The following KCNT2 variants were observed in gnomAD, a reference collection of about 807,000 sequenced individuals.
KCNT2 encodes the protein potassium sodium-activated channel subfamily T member 2.
Under a neutral mutation model 153.8 loss-of-function variants are expected in KCNT2, and 67 were observed. The ratio of observed to expected loss-of-function variants is 0.44; its 90% CI spans 0.36 to 0.53. The LOEUF (loss-of-function observed/expected upper bound fraction) is 0.53, where lower values mean the gene tolerates loss of function less well. Among genes scored for constraint, KCNT2 ranks in the 20% least tolerant of loss-of-function variants. KCNT2 has a pLI of 0.00. For synonymous variants in KCNT2, 500 were observed against 458.8 expected (o/e 1.09, Z -1.15); for missense variants, 975 against 1,354.8 (o/e 0.72, Z 4.40).
rs183400434 is a variant in KCNT2, at chr1:196,465,492, A to G, written c.544-105T>C. On this transcript the variant is annotated intron_variant, in intron 7 of 27. Coordinates refer to ENST00000294725, the MANE Select transcript of KCNT2 (RefSeq NM_198503.5). ...ATTTCATGTCAACTCTCCTGTACAC[A>G]TACATACATATGTAAATACATGTAT... 5.7e-3 allele frequency: 3,936 copies of G among 685,248 alleles called. 42 individuals carry two copies. The highest frequency in any genetic ancestry group is 0.02 in the South Asian group (1,233 of 60,778). The allele number at this position is 685,248 out of a possible 1,614,324, so 42.4% of individuals were successfully genotyped here.
intron 26 of KCNT2, among the ~76,000 whole-genome samples, chr1:196,252,869 G>T (rs1656106881): frequency 6.6e-6 from 1 of 150,958 alleles, no homozygotes; most frequent in Middle Eastern, 3.2e-3. Context: ...CTACTCTCAA[G>T]ATGCCTTTCT....
At chr1:196,402,294 A>G (rs1671479332) in intron 12 of KCNT2, among the ~76,000 whole-genome samples, 1 of 151,578 alleles carries the variant, frequency 6.6e-6, no homozygotes, top group South Asian at 2.1e-4. Context: ...ATTTCCTCTT[A>G]ACTTCTATAA....
chr1:196,392,684 AT>A (rs1396807772), intron 13 of KCNT2, among the ~76,000 whole-genome samples: 1 of 151,356 alleles, frequency 6.6e-6, no homozygotes, highest in Non-Finnish European at 1.5e-5. Context: ...ATATCTAGTG[AT>A]TTAGTACAAA....
intron 1 of KCNT2, among the ~76,000 whole-genome samples, chr1:196,504,068 G>C (rs531684331): frequency 1.6e-4 from 24 of 152,148 alleles, no homozygotes; most frequent in African/African-American, 5.8e-4. Flanking sequence ...ACAAACTTAC[G>C]ACAATACAAA....
chr1:196,476,686 C>T (rs2148689737), intron 5 of KCNT2, among the ~76,000 whole-genome samples: 1 of 152,304 alleles, frequency 6.6e-6, no homozygotes, highest in South Asian at 2.1e-4. Flanking sequence ...CATTAAACCT[C>T]AGGTTTCTAT....
At chr1:196,568,851 G>A (rs898133337) in intron 1 of KCNT2, among the ~76,000 whole-genome samples, 1 of 151,638 alleles carries the variant, frequency 6.6e-6, no homozygotes, top group African/African-American at 2.4e-5. Context: ...ATGCATGCCA[G>A]AAAGACACTA....
chr1:196,513,192 C>T (rs1388369834), intron 1 of KCNT2, among the ~76,000 whole-genome samples: 2 of 152,180 alleles, frequency 1.3e-5, no homozygotes, highest in Non-Finnish European at 2.9e-5. Context: ...GCTCCACTGA[C>T]GAGATACTTA....
intron 13 of KCNT2, among the ~76,000 whole-genome samples, chr1:196,394,327 T>A (rs1670738684): frequency 6.6e-6 from 1 of 151,492 alleles, no homozygotes; most frequent in African/African-American, 2.4e-5. Flanking sequence ...TCTTTTGAAA[T>A]AGCCTAAAGT....
rs189361904 is a variant in KCNT2 at position 196,608,098 on chromosome 1, C to G, written c.95+117G>C. 5,076 of 857,712 alleles carry G rather than the reference C, an allele frequency of 5.9e-3. 26 individuals carry two copies. The highest frequency in any genetic ancestry group is 7.1e-3 in the Non-Finnish European group (3,532 of 496,100). The allele number at this position is 857,712 out of a possible 1,614,324, so 53.1% of individuals were successfully genotyped here. A position where few individuals can be genotyped will look rare whatever the true frequency, so the allele number is the denominator to read the frequency against. On this transcript the variant is annotated intron_variant, in intron 1 of 27. Transcript: ENST00000294725. The stretch of plus-strand genomic sequence containing the variant: ...AGTCTCTTTTACTCCCTCCCCCAGC[C>G]TAGTCTCCCTCTCTGGCTCCGTTTT...
intron 12 of KCNT2, among the ~76,000 whole-genome samples, chr1:196,402,689 C>T (rs1671516404): frequency 6.6e-6 from 1 of 151,292 alleles, no homozygotes; most frequent in Non-Finnish European, 1.5e-5. Context: ...ACATTAAATG[C>T]CAATGGACTA....
chr1:196,258,683 G>A lies in KCNT2; in HGVS notation c.2911-189C>T, dbSNP rs189673313. 5.7e-4 allele frequency: 367 copies of A among 648,356 alleles called. 1 individual carries two copies. The highest frequency in any genetic ancestry group is 1.3e-3 in the Middle Eastern group (5 of 3,984). 40.2% of individuals were successfully genotyped at this position (648,356 alleles called of 1,614,324 possible). ...TATTAAAATGTATGTTTCCTTGAAC[G>A]TACATATAAATCAGGCAAAATAAAT... On this transcript the variant is annotated intron_variant, in intron 25 of 27. Transcript: ENST00000294725.
At chr1:196,474,422 T>G (rs1678359065) in intron 5 of KCNT2, among the ~76,000 whole-genome samples, 1 of 152,190 alleles carries the variant, frequency 6.6e-6, no homozygotes, top group South Asian at 2.1e-4. Flanking sequence ...GCAGTCTTTG[T>G]ATTTCTACAT....
chr1:196,339,649 AACAAGGGCATGGTT>A (rs1382074391), intron 16 of KCNT2, among the ~76,000 whole-genome samples: 1 of 151,996 alleles, frequency 6.6e-6, no homozygotes, highest in African/African-American at 2.4e-5. Context: ...TCTGAGGAGG[AACAAGGGCATGGTT>A]CCTGGAATAA....
At chr1:196,284,087 C>T (rs1424751301) in intron 23 of KCNT2, among the ~76,000 whole-genome samples, 2 of 149,256 alleles carry the variant, frequency 1.3e-5, no homozygotes, top group South Asian at 4.3e-4. Context: ...AAAAATTAGC[C>T]AGATGTAATG....
intron 9 of KCNT2, 45 bp downstream of exon 9, chr1:196,429,532 C>G: frequency 1.5e-6 from 2 of 1,294,456 alleles, no homozygotes; most frequent in Non-Finnish European, 2.1e-6. Context: ...GATTCAATTT[C>G]ATGTCTCTGT....
chr1:196,594,585 C>A (rs915505561), intron 1 of KCNT2, among the ~76,000 whole-genome samples: 6 of 151,964 alleles, frequency 3.9e-5, no homozygotes, highest in Non-Finnish European at 8.8e-5. Flanking sequence ...CATGGCTTTA[C>A]CTCTAGAAAG....
chr1:196,315,811 TTCCTCACAGAG>T (rs1662656032), intron 21 of KCNT2, 70 bp downstream of exon 21: 1 of 1,268,594 alleles, frequency 7.9e-7, no homozygotes, highest in Non-Finnish European at 1.1e-6. Context: ...CTCATGTTCA[TTCCTCACAGAG>T]TCAGTGTCAA....
chr1:196,320,678 A>G (rs952632979), intron 19 of KCNT2, among the ~76,000 whole-genome samples: 13 of 151,558 alleles, frequency 8.6e-5, no homozygotes, highest in African/African-American at 3.1e-4. Flanking sequence ...TACACTCTGA[A>G]GAAAAAGAAT....
chr1:196,582,661 C>A (rs892230885), intron 1 of KCNT2, among the ~76,000 whole-genome samples: 10 of 152,032 alleles, frequency 6.6e-5, no homozygotes, highest in Admixed American at 5.3e-4. Context: ...GATACAGCAG[C>A]ATTGACAGCA....
Sources: allele counts gnomAD v4.1 joint callset (sites outside exome capture counted in the v4.1 genomes callset), GRCh38; gene constraint gnomAD v4.1.1; transcripts MANE v1.5; gene names NCBI Gene and HGNC (gene_info 2026-07-23, HGNC 2026-07-21).